CORO2B: variants seen among roughly 807,000 people sequenced by gnomAD.
CORO2B encodes the protein coronin 2B, also known as coronin-2B.
Under a neutral mutation model 58.8 loss-of-function variants are expected in CORO2B, and 26 were observed. The ratio of observed to expected loss-of-function variants is 0.44; its 90% CI spans 0.32 to 0.61. The LOEUF is 0.61. CORO2B is among the 20% of genes least tolerant of loss of function. The pLI is 0.04. For synonymous variants in CORO2B, 242 were observed against 253.8 expected (o/e 0.95, Z 0.44); for missense variants, 460 against 645.1 (o/e 0.71, Z 3.11).
chr15:68,666,865 G>A (rs935267931), intron 2 of CORO2B, among the ~76,000 whole-genome samples: 11 of 152,174 alleles, frequency 7.2e-5, no homozygotes, highest in Admixed American at 2.6e-4. Flanking sequence ...TGGGTTCAGC[G>A]AGATCAGCGT....
the CORO2B span, among the ~76,000 whole-genome samples, chr15:68,543,852 A>G: frequency 6.6e-6 from 1 of 152,060 alleles, no homozygotes; most frequent in Non-Finnish European, 1.5e-5. Flanking sequence ...CAAACTGGGC[A>G]TCACCCTGTC....
the CORO2B span, among the ~76,000 whole-genome samples, chr15:68,519,138 C>T: frequency 6.6e-6 from 1 of 152,184 alleles, no homozygotes; most frequent in African/African-American, 2.4e-5. Context: ...CTGCTCCACA[C>T]CCCAGGGCAA....
At chr15:68,656,863 G>GA (rs1901822615) in intron 2 of CORO2B, among the ~76,000 whole-genome samples, 1 of 152,176 alleles carries the variant, frequency 6.6e-6, no homozygotes, top group Admixed American at 6.5e-5. Flanking sequence ...ATTCAGTGAG[G>GA]TGTTACATAA....
intron 1 of CORO2B, among the ~76,000 whole-genome samples, chr15:68,595,963 G>A (rs557342702): frequency 3.9e-5 from 6 of 152,156 alleles, no homozygotes; most frequent in Non-Finnish European, 5.9e-5. Flanking sequence ...CCAGGGCAGC[G>A]ACGCCGTGGG....
intron 2 of CORO2B, among the ~76,000 whole-genome samples, chr15:68,693,437 C>T (rs1892434317): frequency 6.6e-6 from 1 of 152,190 alleles, no homozygotes; most frequent in Non-Finnish European, 1.5e-5. Context: ...AGCGGTATAA[C>T]CTCCTAGACT....
chr15:68,647,866 A>AG (rs1901495064), intron 2 of CORO2B, among the ~76,000 whole-genome samples: 1 of 149,654 alleles, frequency 6.7e-6, no homozygotes, highest in African/African-American at 2.5e-5. Context: ...TTAAAAAAAA[A>AG]AAAAAGAAAA....
At chr15:68,680,778 G>C (rs1450563124) in intron 2 of CORO2B, among the ~76,000 whole-genome samples, 2 of 152,148 alleles carry the variant, frequency 1.3e-5, no homozygotes, top group Non-Finnish European at 2.9e-5. Flanking sequence ...CTGCAAAATG[G>C]ACACAATGAC....
chr15:68,601,397 G>A (rs554418243), intron 1 of CORO2B, among the ~76,000 whole-genome samples: 15 of 152,368 alleles, frequency 9.8e-5, no homozygotes, highest in African/African-American at 3.4e-4. Flanking sequence ...GTCAGGTGCT[G>A]TGCCTTTCGG....
At chr15:68,567,384 G>C in the CORO2B span, among the ~76,000 whole-genome samples, 1 of 152,216 alleles carries the variant, frequency 6.6e-6, no homozygotes, top group Admixed American at 6.5e-5. Flanking sequence ...AGGACAAAGG[G>C]GGTCTGACTA....
the CORO2B span, among the ~76,000 whole-genome samples, chr15:68,547,173 A>G: frequency 6.6e-6 from 1 of 152,186 alleles, no homozygotes; most frequent in Non-Finnish European, 1.5e-5. Context: ...TCTGCAGCTG[A>G]GCTTCCTAGC....
At chr15:68,534,090 T>C in the CORO2B span, among the ~76,000 whole-genome samples, 2 of 152,250 alleles carry the variant, frequency 1.3e-5, no homozygotes, top group African/African-American at 2.4e-5. Context: ...ACCTGCATAA[T>C]GGTGGATCCT....
At chr15:68,596,692 G>A (rs577196125) in intron 1 of CORO2B, among the ~76,000 whole-genome samples, 4 of 152,336 alleles carry the variant, frequency 2.6e-5, no homozygotes, top group Non-Finnish European at 4.4e-5. Flanking sequence ...CCAGGGCAGA[G>A]GCAGCAGGCA....
chr15:68,662,358 G>A (rs548446032), intron 2 of CORO2B, among the ~76,000 whole-genome samples: 1 of 152,296 alleles, frequency 6.6e-6, no homozygotes, highest in African/African-American at 2.4e-5. Context: ...AATGAGATAA[G>A]GTATTTTGAA....
intron 4 of CORO2B, among the ~76,000 whole-genome samples, 174 bp from the exon 5 acceptor site, chr15:68,711,368 G>A (rs1346785973): frequency 1.3e-5 from 2 of 152,168 alleles, no homozygotes; most frequent in Non-Finnish European, 2.9e-5. Flanking sequence ...GGATTTGTGT[G>A]CCAGGGATGT....
At chr15:68,720,509 T>A (rs1893135961) in intron 11 of CORO2B, among the ~76,000 whole-genome samples, 1 of 152,198 alleles carries the variant, frequency 6.6e-6, no homozygotes, top group Admixed American at 6.5e-5. Flanking sequence ...CACTGTCCAC[T>A]GGGGCTGGAA....
chr15:68,521,039 G>T, the CORO2B span, among the ~76,000 whole-genome samples: 2 of 151,042 alleles, frequency 1.3e-5, no homozygotes, highest in Non-Finnish European at 3.0e-5. Flanking sequence ...ACAGAGCAAG[G>T]CTCCATCTCA....
At chr15:68,559,347 G>A in the CORO2B span, among the ~76,000 whole-genome samples, 2 of 151,950 alleles carry the variant, frequency 1.3e-5, no homozygotes, top group African/African-American at 4.8e-5. This position sits in a 1 kb window ranked among gnomAD's most constrained non-coding sequence, Gnocchi z 4.3. Context: ...TCTCATTCCC[G>A]GAGAATTAAA....
intron 2 of CORO2B, among the ~76,000 whole-genome samples, chr15:68,691,780 G>A (rs991116838): frequency 5.9e-5 from 9 of 152,066 alleles, no homozygotes; most frequent in Non-Finnish European, 7.4e-5. Flanking sequence ...GTTCTGAATA[G>A]GTTCCGGTGA....
At chr15:68,635,053 C>T (rs1900986243) in intron 1 of CORO2B, among the ~76,000 whole-genome samples, 1 of 152,168 alleles carries the variant, frequency 6.6e-6, no homozygotes. Context: ...TTTCCACAAA[C>T]ACTTCAGGTG....
Sources: allele counts gnomAD v4.1 joint callset (sites outside exome capture counted in the v4.1 genomes callset), GRCh38; gene constraint gnomAD v4.1.1; non-coding constraint Gnocchi (gnomAD v3.1); transcripts MANE v1.5; gene names NCBI Gene and HGNC (gene_info 2026-07-23, HGNC 2026-07-21).